TIMD4: variants seen among roughly 807,000 people sequenced by gnomAD.
TIMD4 encodes T cell immunoglobulin and mucin domain containing 4, also known as T-cell immunoglobulin and mucin domain-containing protein 4.
Under a neutral mutation model 41.2 loss-of-function variants are expected in TIMD4, and 31 were observed. The observed-to-expected ratio is 0.75, with a 90% CI of 0.57 to 1.01. The LOEUF (loss-of-function observed/expected upper bound fraction) is 1.01. TIMD4 is among the 50% of genes least tolerant of loss of function. The probability of loss-of-function intolerance (pLI) is 0.00; values close to 1 mark genes in which losing one functional copy is unlikely to be tolerated. For missense variants in TIMD4, 479 were observed against 472.5 expected (o/e 1.01, Z -0.13); for synonymous variants, 204 against 177.1 (o/e 1.15, Z -1.21).
intron 7 of TIMD4, among the ~76,000 whole-genome samples, chr5:156,921,479 G>A (rs113524724): frequency 5.9e-5 from 9 of 151,820 alleles, no homozygotes; most frequent in East Asian, 1.9e-4. Flanking sequence ...AATTAGTCCC[G>A]TGTGATGGCG....
At chr5:156,953,482 C>T (rs1165549082) in intron 2 of TIMD4, among the ~76,000 whole-genome samples, 1 of 151,782 alleles carries the variant, frequency 6.6e-6, no homozygotes, top group Non-Finnish European at 1.5e-5. Context: ...ATGGTGAAAT[C>T]TCATCTCTAC....
At position 156,919,559 on chromosome 5, in the gene TIMD4, G is replaced by T; in HGVS notation, c.1053-18C>A. On this transcript the variant is annotated intron_variant, in intron 8 of 8. Coordinates refer to ENST00000274532, the MANE Select transcript of TIMD4 (RefSeq NM_138379.3). ...AGTCTAGCCTGTAAACAGAAAAGAG[G>T]GGCTCATAATGGGAAACACAAGACT... 6.2e-7 allele frequency: 1 copy of T among 1,603,752 alleles called. No individual in the cohort carries two copies. The highest frequency in any genetic ancestry group is 8.5e-7 in the Non-Finnish European group (1 of 1,171,458).
At chr5:156,950,758 A>T (rs1354010170) in intron 3 of TIMD4, among the ~76,000 whole-genome samples, 1 of 152,208 alleles carries the variant, frequency 6.6e-6, no homozygotes, top group Non-Finnish European at 1.5e-5. Flanking sequence ...GATATTTTAA[A>T]GGCGTCTGGA....
chr5:156,939,073 C>T (rs1047708727), intron 5 of TIMD4, among the ~76,000 whole-genome samples: 5 of 152,198 alleles, frequency 3.3e-5, no homozygotes, highest in African/African-American at 1.2e-4. Flanking sequence ...TGCACCTCTT[C>T]ACCTCTCTCT....
chr5:156,926,337 G>C (rs1254830560), intron 5 of TIMD4, 25 bp from the exon 6 acceptor site: 1 of 1,612,346 alleles, frequency 6.2e-7, no homozygotes, highest in East Asian at 2.2e-5. Flanking sequence ...AGAAGAAAAT[G>C]GTTATATGTC....
intron 1 of TIMD4, among the ~76,000 whole-genome samples, chr5:156,960,641 G>A (rs1581638244): frequency 6.6e-6 from 1 of 152,014 alleles, no homozygotes; most frequent in African/African-American, 2.4e-5. Flanking sequence ...TCCTGACCTC[G>A]GGTGATCCAC....
At position 156,945,804 on chromosome 5, in the gene TIMD4, C is replaced by A. The variant is rs112260810; in HGVS notation, c.844+2612G>T. 1.7e-3 allele frequency among the ~76,000 whole-genome samples: 252 copies of A among 152,080 alleles called. 1 individual carries two copies. The highest frequency in any genetic ancestry group is 7.0e-3 in the Middle Eastern group (2 of 286). On this transcript the variant is annotated intron_variant, in intron 5 of 8. Transcript: ENST00000274532. The stretch of plus-strand genomic sequence containing the variant: ...AGTGTAGAATCAGAGCTAGACATCC[C>A]AGACCTGACACCTGAGAGCTGTGTG...
chr5:156,926,538 G>A (rs1009382269), intron 5 of TIMD4, among the ~76,000 whole-genome samples: 2 of 152,216 alleles, frequency 1.3e-5, no homozygotes, highest in Non-Finnish European at 2.9e-5. Flanking sequence ...CCATTTTACA[G>A]ATGAGTAGAG....
chr5:156,933,009 A>G (rs931437321), intron 5 of TIMD4, among the ~76,000 whole-genome samples: 2 of 145,712 alleles, frequency 1.4e-5, no homozygotes, highest in Non-Finnish European at 3.0e-5. Flanking sequence ...GTCTCAAAAA[A>G]AGAAAAGAAA....
intron 6 of TIMD4, among the ~76,000 whole-genome samples, 167 bp downstream of exon 6, chr5:156,926,096 G>T (rs536401204): frequency 2.0e-5 from 3 of 152,192 alleles, no homozygotes; most frequent in African/African-American, 7.2e-5. Flanking sequence ...TAGAGATGGG[G>T]TTTTGCCGTG....
chr5:156,954,211 G>A (rs1759918873), intron 2 of TIMD4, among the ~76,000 whole-genome samples: 1 of 152,146 alleles, frequency 6.6e-6, no homozygotes, highest in Non-Finnish European at 1.5e-5. Flanking sequence ...TGCAATTCAC[G>A]AGTTCCCTTT....
chr5:156,950,166 A>T (rs900166027), intron 3 of TIMD4, among the ~76,000 whole-genome samples: 2 of 151,860 alleles, frequency 1.3e-5, no homozygotes, highest in African/African-American at 4.8e-5. Context: ...GAGTCTCACT[A>T]TGTTGTCCAG....
intron 1 of TIMD4, among the ~76,000 whole-genome samples, chr5:156,958,768 A>G (rs1429004752): frequency 6.6e-6 from 1 of 152,200 alleles, no homozygotes; most frequent in Non-Finnish European, 1.5e-5. Flanking sequence ...TGCAGCCTCC[A>G]TGTATATGTG....
intron 5 of TIMD4, among the ~76,000 whole-genome samples, chr5:156,947,175 G>A (rs920839139): frequency 6.6e-6 from 1 of 151,728 alleles, no homozygotes; most frequent in Non-Finnish European, 1.5e-5. Context: ...TCCAACTTGG[G>A]CTACAGAGTG....
intron 5 of TIMD4, among the ~76,000 whole-genome samples, 197 bp downstream of exon 5, chr5:156,948,219 G>A (rs1021091250): frequency 3.3e-5 from 5 of 151,778 alleles, no homozygotes; most frequent in South Asian, 4.2e-4. Flanking sequence ...ACAGCCCCAG[G>A]CCAGGCAAGC....
intron 5 of TIMD4, among the ~76,000 whole-genome samples, chr5:156,932,902 G>A (rs563285756): frequency 2.0e-5 from 3 of 152,182 alleles, no homozygotes; most frequent in Non-Finnish European, 4.4e-5. Context: ...TACTCCGGAG[G>A]TTGAGGCAAG....
chr5:156,919,600 A>C, intron 8 of TIMD4, 59 bp from the exon 9 acceptor site: 2 of 1,395,958 alleles, frequency 1.4e-6, no homozygotes, highest in Non-Finnish European at 2.0e-6. Context: ...ACAAAACAAA[A>C]CAGATGCTGC....
intron 5 of TIMD4, among the ~76,000 whole-genome samples, chr5:156,942,018 A>C (rs2113369508): frequency 6.6e-6 from 1 of 152,318 alleles, no homozygotes; most frequent in African/African-American, 2.4e-5. Context: ...CCACTCCCCC[A>C]TATTCTTGTC....
chr5:156,945,874 C>T (rs771564199), intron 5 of TIMD4, among the ~76,000 whole-genome samples: 32 of 152,250 alleles, frequency 2.1e-4, no homozygotes, highest in Non-Finnish European at 3.1e-4. Context: ...CATCTGCTAA[C>T]GAGGGATTAA....
Sources: allele counts gnomAD v4.1 joint callset (sites outside exome capture counted in the v4.1 genomes callset), GRCh38; gene constraint gnomAD v4.1.1; transcripts MANE v1.5; gene names NCBI Gene and HGNC (gene_info 2026-07-23, HGNC 2026-07-21).